NRXN3: variants seen among roughly 807,000 people sequenced by gnomAD.
The protein encoded by NRXN3 is neurexin III.
Under a neutral mutation model 137.6 loss-of-function variants are expected in NRXN3, and 32 were observed. The ratio of observed to expected loss-of-function variants is 0.23; its 90% confidence interval spans 0.18 to 0.31. The LOEUF is 0.31. Ranked by LOEUF, NRXN3 falls within the 10% of genes least tolerant of loss-of-function variation. The pLI, the probability that NRXN3 is intolerant of heterozygous loss-of-function variation, is 1.00. For missense variants in NRXN3, 1,574 were observed against 2,062.5 expected (o/e 0.76, Z 4.59); for synonymous variants, 798 against 784.5 (o/e 1.02, Z -0.29).
chr14:78,960,041 AG>A (rs542124528), intron 11 of NRXN3, among the ~76,000 whole-genome samples: 171 of 152,310 alleles, frequency 1.1e-3, no homozygotes, highest in Non-Finnish European at 1.9e-3. Context: ...TTTGGAATAA[AG>A]CTATTTGTAA....
intron 15 of NRXN3, among the ~76,000 whole-genome samples, chr14:79,376,210 GTA>G (rs1422842626): frequency 0.031 from 1,268 of 40,666 alleles, 28 homozygotes; most frequent in African/African-American, 0.096. Context: ...GTGTGTGTGT[GTA>G]TGTATATATA....
At chr14:78,222,441 A>G (rs1056479298) in intron 1 of NRXN3, among the ~76,000 whole-genome samples, 4 of 152,222 alleles carry the variant, frequency 2.6e-5, no homozygotes, top group African/African-American at 7.2e-5. Flanking sequence ...ACCAGCCGCC[A>G]CATCGCCTTG....
At chr14:78,222,367 G>A (rs1207750303) in intron 1 of NRXN3, among the ~76,000 whole-genome samples, 4 of 152,122 alleles carry the variant, frequency 2.6e-5, no homozygotes, top group African/African-American at 9.7e-5. Context: ...GCTGCTAGAA[G>A]AGCGTGGGCT....
chr14:79,834,008 T>A (rs903900182), intron 20 of NRXN3, among the ~76,000 whole-genome samples: 1 of 152,124 alleles, frequency 6.6e-6, no homozygotes, highest in Non-Finnish European at 1.5e-5. Context: ...CAGGAAAATA[T>A]ACATGAAAGA....
At chr14:79,637,779 G>A (rs528434241) in intron 16 of NRXN3, among the ~76,000 whole-genome samples, 2 of 134,236 alleles carry the variant, frequency 1.5e-5, no homozygotes, top group Non-Finnish European at 3.1e-5. Context: ...ACACAGGCTG[G>A]AATGCAGTGG....
chr14:78,758,604 C>T lies in NRXN3; in HGVS notation c.2044+43465C>T, dbSNP rs575433430. On this transcript the variant is annotated intron_variant, in intron 8 of 20. Transcript: ENST00000335750. ...CCAGACAGCTCTTATGTATTGCAGTCGCTCTGCTCCCTGCATTCCACCTTC... is the reference window on the plus strand; with the variant it reads ...CCAGACAGCTCTTATGTATTGCAGTTGCTCTGCTCCCTGCATTCCACCTTC... 2.0e-5 allele frequency among the ~76,000 whole-genome samples: 3 copies of T among 152,304 alleles called. No individual in the cohort carries two copies. The South Asian group carries it at 6.2e-4, about 32-fold the overall frequency.
intron 15 of NRXN3, among the ~76,000 whole-genome samples, chr14:79,085,762 T>C (rs1161825219): frequency 6.6e-6 from 1 of 152,152 alleles, no homozygotes; most frequent in Non-Finnish European, 1.5e-5. Flanking sequence ...GCAAGACTAT[T>C]GAAATAAGTG....
chr14:79,688,601 T>C (rs1459855197), intron 17 of NRXN3, among the ~76,000 whole-genome samples: 1 of 152,200 alleles, frequency 6.6e-6, no homozygotes, highest in South Asian at 2.1e-4. Context: ...AGGGTCAGTT[T>C]GCTTTCCGTT....
At chr14:78,419,961 G>GCGCACACACACACA (rs1555518606) in intron 4 of NRXN3, among the ~76,000 whole-genome samples, 4 of 49,146 alleles carry the variant, frequency 8.1e-5, no homozygotes, top group African/African-American at 1.8e-4. Flanking sequence ...GCGCGCGCAC[G>GCGCACACACACACA]CACACACACA....
At chr14:79,385,783 A>G (rs1310514440) in intron 15 of NRXN3, among the ~76,000 whole-genome samples, 1 of 152,170 alleles carries the variant, frequency 6.6e-6, no homozygotes, top group Non-Finnish European at 1.5e-5. Flanking sequence ...CATCCCTGGG[A>G]TGCAAGGCTG....
In NRXN3 at chr14:79,381,356, G is replaced by A. The variant is rs543499489; in HGVS notation, c.3263-85865G>A. ...GTGGGACATAATATCTCTGAAGGCC[G>A]ATGTTCCTTGAAAGACTGTGTGAAA... On this transcript the variant is annotated intron_variant, in intron 15 of 20. Transcript: ENST00000335750. Among the ~76,000 whole-genome samples the A allele has an allele frequency of 5.3e-5, 8 of 152,104 alleles. No homozygotes were observed. The Middle Eastern group carries it at 0.017, about 323-fold the overall frequency.
intron 4 of NRXN3, among the ~76,000 whole-genome samples, chr14:78,364,643 C>T (rs188725421): frequency 2.2e-4 from 34 of 152,292 alleles, no homozygotes; most frequent in Non-Finnish European, 4.3e-4. Context: ...TTCATATGTT[C>T]ATTGGCCTTC....
chr14:78,204,173 A>T (rs2061964595), intron 1 of NRXN3, among the ~76,000 whole-genome samples: 1 of 152,224 alleles, frequency 6.6e-6, no homozygotes, highest in East Asian at 1.9e-4. Context: ...CCACCTGCAG[A>T]GTATAAGAAT....
At chr14:78,611,535 C>T (rs1003965106) in intron 4 of NRXN3, among the ~76,000 whole-genome samples, 6 of 151,706 alleles carry the variant, frequency 4.0e-5, no homozygotes, top group African/African-American at 1.5e-4. Flanking sequence ...CATTCAAATA[C>T]ATTGCTTTTT....
intron 4 of NRXN3, among the ~76,000 whole-genome samples, chr14:78,371,527 C>A (rs1298662419): frequency 6.6e-6 from 1 of 152,240 alleles, no homozygotes; most frequent in Non-Finnish European, 1.5e-5. Context: ...CCCAAAAAGG[C>A]TGTCACACTG....
At chr14:78,836,503 C>T (rs1052179883) in intron 10 of NRXN3, among the ~76,000 whole-genome samples, 2 of 152,188 alleles carry the variant, frequency 1.3e-5, no homozygotes, top group Non-Finnish European at 1.5e-5. Context: ...GACTGATATA[C>T]ATTTTCATAA....
At chr14:79,227,768 T>C (rs1356391716) in intron 15 of NRXN3, among the ~76,000 whole-genome samples, 1 of 117,076 alleles carries the variant, frequency 8.5e-6, no homozygotes, top group African/African-American at 3.0e-5. Flanking sequence ...CTTCCTTCCT[T>C]CCTTCCTTCC....
chr14:79,776,097 A>C (rs1164180243), intron 19 of NRXN3, among the ~76,000 whole-genome samples: 1 of 152,236 alleles, frequency 6.6e-6, no homozygotes, highest in Non-Finnish European at 1.5e-5. Flanking sequence ...CGTTGGCATC[A>C]TCCTTCAAGG....
intron 16 of NRXN3, among the ~76,000 whole-genome samples, chr14:79,660,840 G>C (rs1044720618): frequency 1.3e-5 from 2 of 152,092 alleles, no homozygotes; most frequent in African/African-American, 4.8e-5. Context: ...TGTGGGGTGG[G>C]CAGAGGAGTA....
Sources: allele counts gnomAD v4.1 joint callset (sites outside exome capture counted in the v4.1 genomes callset), GRCh38; gene constraint gnomAD v4.1.1; transcripts MANE v1.5; gene names NCBI Gene and HGNC (gene_info 2026-07-23, HGNC 2026-07-21).